Variants in POU6F2 observed in about 807,000 individuals in gnomAD.
POU6F2 encodes POU class 6 homeobox 2, also known as POU domain, class 6, transcription factor 2.
A neutral mutation model predicts 71.3 loss-of-function variants in POU6F2; 31 were observed. The observed-to-expected ratio is 0.43, with a 90% CI of 0.33 to 0.59. The LOEUF (loss-of-function observed/expected upper bound fraction) is 0.59, where lower values mean the gene tolerates loss of function less well. Among genes scored for constraint, POU6F2 ranks in the 20% least tolerant of loss-of-function variants. The pLI is 0.04. For missense variants in POU6F2, 783 were observed against 856.8 expected (o/e 0.91, Z 1.07); for synonymous variants, 347 against 355.7 (o/e 0.98, Z 0.27).
intron 5 of POU6F2, among the ~76,000 whole-genome samples, chr7:39,381,797 T>A (rs1414718573): frequency 2.0e-5 from 3 of 152,178 alleles, no homozygotes; most frequent in African/African-American, 7.2e-5. Context: ...ATTCCTATAA[T>A]CAGTTGATTA....
chr7:38,981,721 T>G (rs933565853), intron 1 of POU6F2, among the ~76,000 whole-genome samples: 22 of 152,316 alleles, frequency 1.4e-4, no homozygotes, highest in African/African-American at 4.1e-4. Context: ...AAAAGCTGTT[T>G]ACAATTTCCC....
chr7:39,421,671 C>CCAAATTT lies in POU6F2; in HGVS notation c.1114-11405_1114-11399dup, dbSNP rs561756738. ...ACTTGGAATATTGGAGATCACTGGT[C>CCAAATTT]CAAATTTAGGGTTTTGTTGTTGTTG... On this transcript the variant is annotated intron_variant, in intron 6 of 9. Transcript: ENST00000518318. Among the ~76,000 whole-genome samples the CCAAATTT allele has an allele frequency of 1.6e-4, 25 of 152,244 alleles. 1 individual carries two copies. The East Asian group carries it at 4.6e-3, about 28-fold the overall frequency.
chr7:39,030,932 C>T (rs146999248), intron 1 of POU6F2, among the ~76,000 whole-genome samples: 2,193 of 152,088 alleles, frequency 0.014, 21 homozygotes, highest in Non-Finnish European at 0.022. Context: ...GACAGAGTCC[C>T]GCTCTGTCAC....
At chr7:39,405,345 G>C (rs981810479) in intron 5 of POU6F2, among the ~76,000 whole-genome samples, 1 of 152,192 alleles carries the variant, frequency 6.6e-6, no homozygotes. Flanking sequence ...AAGAGAGAGA[G>C]AGAAGAGAGA....
intron 5 of POU6F2, among the ~76,000 whole-genome samples, chr7:39,360,389 T>C (rs762404072): frequency 6.6e-6 from 1 of 152,202 alleles, no homozygotes; most frequent in Non-Finnish European, 1.5e-5. Flanking sequence ...ACACAGTTGT[T>C]AAAACAAAGA....
intron 4 of POU6F2, among the ~76,000 whole-genome samples, chr7:39,210,758 C>T (rs774420971): frequency 5.9e-5 from 9 of 152,096 alleles, no homozygotes; most frequent in Admixed American, 1.3e-4. Flanking sequence ...CCAAGACTCT[C>T]GGAACAGAAT....
At chr7:39,337,852 G>A (rs922136567) in intron 4 of POU6F2, among the ~76,000 whole-genome samples, 1 of 152,064 alleles carries the variant, frequency 6.6e-6, no homozygotes, top group African/African-American at 2.4e-5. Flanking sequence ...TGCTGTTATG[G>A]AAAACAAATA....
chr7:39,203,350 C>T (rs1793944425), intron 2 of POU6F2, among the ~76,000 whole-genome samples: 2 of 152,172 alleles, frequency 1.3e-5, no homozygotes, highest in African/African-American at 4.8e-5. Context: ...AATTGGATTT[C>T]AACCACCCAT....
At chr7:39,398,948 T>G (rs1787237549) in intron 5 of POU6F2, among the ~76,000 whole-genome samples, 1 of 152,234 alleles carries the variant, frequency 6.6e-6, no homozygotes, top group Non-Finnish European at 1.5e-5. Context: ...CACAGAGATG[T>G]GCAGCTAACT....
At chr7:39,223,576 A>G (rs543042613) in intron 4 of POU6F2, among the ~76,000 whole-genome samples, 14 of 152,210 alleles carry the variant, frequency 9.2e-5, no homozygotes, top group Admixed American at 2.0e-4. Flanking sequence ...GACTGTTGGA[A>G]TTCAACAGAG....
Position 39,244,803 on chromosome 7 carries a change from T to G in POU6F2, c.598+37183T>G, listed in dbSNP as rs187280175. 2.9e-3 allele frequency among the ~76,000 whole-genome samples: 445 copies of G among 152,304 alleles called. 2 individuals are homozygous for G. The highest frequency in any genetic ancestry group is 9.9e-3 in the African/African-American group (413 of 41,566). On this transcript the variant is annotated intron_variant, in intron 4 of 9. Coordinates refer to ENST00000518318, the MANE Select transcript of POU6F2 (RefSeq NM_001370959.1). ...ATCCCCAACTCAGAGGATCTAAGCT[T>G]ACCATCAGTTCTTCCTTGGCATTAA...
intron 6 of POU6F2, among the ~76,000 whole-genome samples, chr7:39,411,430 G>A (rs368008607): frequency 1.3e-5 from 2 of 152,176 alleles, no homozygotes; most frequent in African/African-American, 4.8e-5. Context: ...TTTAACTGAA[G>A]CTCAGAATGT....
intron 2 of POU6F2, among the ~76,000 whole-genome samples, chr7:39,184,778 G>A (rs956479672): frequency 2.6e-5 from 4 of 152,162 alleles, no homozygotes; most frequent in Non-Finnish European, 5.9e-5. Flanking sequence ...ATGGGTGGGA[G>A]ATTTAATGGT....
At chr7:39,396,892 A>G (rs1293635964) in intron 5 of POU6F2, among the ~76,000 whole-genome samples, 1 of 133,726 alleles carries the variant, frequency 7.5e-6, no homozygotes, top group Non-Finnish European at 1.7e-5. Context: ...CACCATAACC[A>G]ATCATTAAAA....
intron 8 of POU6F2, among the ~76,000 whole-genome samples, chr7:39,454,706 ATATATATATATATATATAT>A (rs1788754461): frequency 1.5e-5 from 1 of 68,458 alleles, no homozygotes; most frequent in African/African-American, 5.2e-5. Context: ...ATATATATAT[ATATATATATATATATATAT>A]ATAAAATAAG....
intron 4 of POU6F2, among the ~76,000 whole-genome samples, chr7:39,220,104 G>C (rs1794319185): frequency 6.6e-6 from 1 of 152,148 alleles, no homozygotes; most frequent in Non-Finnish European, 1.5e-5. Context: ...ATGAAATATT[G>C]TATAAGCCAC....
intron 4 of POU6F2, among the ~76,000 whole-genome samples, chr7:39,238,797 C>G (rs1794723009): frequency 6.6e-6 from 1 of 152,108 alleles, no homozygotes; most frequent in African/African-American, 2.4e-5. Context: ...AAATGTCTAT[C>G]AAGAGGAAAA....
At chr7:39,212,322 T>C (rs1271016663) in intron 4 of POU6F2, among the ~76,000 whole-genome samples, 4 of 152,166 alleles carry the variant, frequency 2.6e-5, no homozygotes, top group Non-Finnish European at 4.4e-5. Context: ...GGGCCTCTTA[T>C]GAGCAAGGAC....
chr7:39,213,600 T>C (rs1026345134), intron 4 of POU6F2, among the ~76,000 whole-genome samples: 1 of 152,234 alleles, frequency 6.6e-6, no homozygotes, highest in South Asian at 2.1e-4. Context: ...TTTCCTGTTC[T>C]AGAACTTCAC....
Sources: allele counts gnomAD v4.1 joint callset (sites outside exome capture counted in the v4.1 genomes callset), GRCh38; gene constraint gnomAD v4.1.1; transcripts MANE v1.5; gene names NCBI Gene and HGNC (gene_info 2026-07-23, HGNC 2026-07-21).